LRRC4C: variants seen among roughly 807,000 people sequenced by gnomAD.
LRRC4C encodes leucine-rich repeat-containing protein 4C.
In LRRC4C, 5 loss-of-function variants were observed where a neutral mutation model predicts 33.6. That is an observed-to-expected ratio of 0.15 (90% CI 0.08 to 0.31). LRRC4C has a LOEUF of 0.31. LRRC4C is among the 10% of genes least tolerant of loss of function. The pLI is 1.00. For missense variants in LRRC4C, 560 were observed against 796.7 expected (o/e 0.70, Z 3.58); for synonymous variants, 329 against 302.0 (o/e 1.09, Z -0.93).
intron 3 of LRRC4C, among the ~76,000 whole-genome samples, chr11:40,539,594 A>G (rs1956621265): frequency 1.3e-5 from 2 of 152,116 alleles, no homozygotes. Flanking sequence ...AAAGATGGGG[A>G]TAGTTGCAAA....
rs559556856 is a variant in LRRC4C at position 41,080,454 on chromosome 11, C to T, written c.-495-146731G>A. ...GCAACCTCTGCCTCCTGGGTACAAGCGATTCTCCTACCTCAGCCTCCTGAG... is the reference window on the plus strand; with the variant it reads ...GCAACCTCTGCCTCCTGGGTACAAGTGATTCTCCTACCTCAGCCTCCTGAG... On this transcript the variant is annotated intron_variant, in intron 1 of 6. Transcript: ENST00000528697. Among the ~76,000 whole-genome samples, 19 of 148,848 alleles carry T rather than the reference C, an allele frequency of 1.3e-4. No homozygotes were observed. In the East Asian group the frequency reaches 3.7e-3, roughly 29 times the overall value.
intron 5 of LRRC4C, among the ~76,000 whole-genome samples, chr11:40,209,023 C>T (rs1175191193): frequency 6.6e-6 from 1 of 151,112 alleles, no homozygotes; most frequent in East Asian, 2.0e-4. Context: ...CGGCACACCA[C>T]TTCCCCTAAA....
intron 1 of LRRC4C, among the ~76,000 whole-genome samples, chr11:40,951,514 C>T (rs1467398436): frequency 5.9e-5 from 9 of 151,930 alleles, no homozygotes; most frequent in Non-Finnish European, 1.0e-4. Flanking sequence ...ACTTTACACA[C>T]ATTGTATTGC....
chr11:41,060,887 T>C (rs1360604272), intron 1 of LRRC4C, among the ~76,000 whole-genome samples: 1 of 152,078 alleles, frequency 6.6e-6, no homozygotes, highest in Non-Finnish European at 1.5e-5. Context: ...TAACTCAACC[T>C]CTACATCTTT....
intron 4 of LRRC4C, among the ~76,000 whole-genome samples, chr11:40,315,009 A>G (rs539971481): frequency 1.3e-5 from 2 of 152,188 alleles, no homozygotes; most frequent in East Asian, 3.9e-4. Flanking sequence ...ACTGTAGTTA[A>G]CAAAAATATA....
intron 2 of LRRC4C, among the ~76,000 whole-genome samples, chr11:40,804,370 A>C: frequency 6.6e-6 from 1 of 152,234 alleles, no homozygotes; most frequent in East Asian, 1.9e-4. Flanking sequence ...GCCTTGGTTT[A>C]AAAATATGCT....
chr11:40,547,775 A>T (rs1170418450), intron 3 of LRRC4C, among the ~76,000 whole-genome samples: 1 of 152,136 alleles, frequency 6.6e-6, no homozygotes, highest in Non-Finnish European at 1.5e-5. Flanking sequence ...CTGAGATACG[A>T]AGAGGGAATA....
chr11:40,196,897 G>A (rs931039341), intron 5 of LRRC4C, among the ~76,000 whole-genome samples: 3 of 152,186 alleles, frequency 2.0e-5, no homozygotes, highest in African/African-American at 7.2e-5. Flanking sequence ...TGAAGGCAGT[G>A]TTGTAATTAA....
intron 1 of LRRC4C, among the ~76,000 whole-genome samples, chr11:41,235,807 C>A (rs1947996912): frequency 1.3e-5 from 2 of 152,014 alleles, no homozygotes; most frequent in African/African-American, 4.8e-5. Context: ...GTTCTGCCTC[C>A]CAGGGGAGTT....
At chr11:40,583,558 C>T (rs1958573650) in intron 3 of LRRC4C, among the ~76,000 whole-genome samples, 1 of 152,108 alleles carries the variant, frequency 6.6e-6, no homozygotes, top group South Asian at 2.1e-4. Flanking sequence ...TAGTATTCTT[C>T]TCATTTTTCT....
At chr11:40,875,011 C>T (rs1408309555) in intron 2 of LRRC4C, among the ~76,000 whole-genome samples, 1 of 152,140 alleles carries the variant, frequency 6.6e-6, no homozygotes, top group Admixed American at 6.6e-5. Flanking sequence ...ACATAGAAAT[C>T]ATTTCCCATT....
chr11:40,786,192 C>T (rs78745035), intron 2 of LRRC4C, among the ~76,000 whole-genome samples: 7,465 of 152,176 alleles, frequency 0.049, 262 homozygotes, highest in Non-Finnish European at 0.074. Flanking sequence ...ATTCATTCCC[C>T]TCAAATTTTT....
At chr11:40,746,708 G>T (rs942395519) in intron 2 of LRRC4C, among the ~76,000 whole-genome samples, 12 of 152,076 alleles carry the variant, frequency 7.9e-5, no homozygotes, top group African/African-American at 2.9e-4. Flanking sequence ...AGGGCCTGGG[G>T]ATTGCTCTGC....
chr11:41,183,186 C>A (rs1000502305), intron 1 of LRRC4C, among the ~76,000 whole-genome samples: 30 of 152,074 alleles, frequency 2.0e-4, no homozygotes, highest in African/African-American at 7.0e-4. Flanking sequence ...TGGCCCCTCC[C>A]AAATCTCATG....
chr11:40,855,196 T>C (rs1040981195), intron 2 of LRRC4C, among the ~76,000 whole-genome samples: 3 of 152,188 alleles, frequency 2.0e-5, no homozygotes, highest in Admixed American at 2.0e-4. Flanking sequence ...AAAAGGAGAT[T>C]AGTGCAAAAT....
At chr11:41,422,658 T>A (rs1954910366) in intron 1 of LRRC4C, among the ~76,000 whole-genome samples, 1 of 152,036 alleles carries the variant, frequency 6.6e-6, no homozygotes, top group Non-Finnish European at 1.5e-5. Context: ...TTCTCATTTT[T>A]AAAGCACTTT....
chr11:40,322,067 G>T (rs112582071), intron 3 of LRRC4C, among the ~76,000 whole-genome samples: 191 of 152,042 alleles, frequency 1.3e-3, no homozygotes, highest in African/African-American at 4.5e-3. Flanking sequence ...TTAAATGTGG[G>T]GCTGGAAGGG....
intron 1 of LRRC4C, among the ~76,000 whole-genome samples, chr11:41,419,006 A>G (rs1954784988): frequency 6.6e-6 from 1 of 151,918 alleles, no homozygotes; most frequent in South Asian, 2.1e-4. Flanking sequence ...CCAGTGTTGT[A>G]TCATACTTGG....
chr11:40,348,149 TAATA>T (rs1947221250), intron 3 of LRRC4C, among the ~76,000 whole-genome samples: 1 of 152,064 alleles, frequency 6.6e-6, no homozygotes, highest in Non-Finnish European at 1.5e-5. Flanking sequence ...TTAATAATAA[TAATA>T]GAGTTTGAAA....
Sources: gnomAD v4.1 joint callset for allele counts (sites outside exome capture counted in the v4.1 genomes callset) on GRCh38, gnomAD v4.1.1 for gene constraint, MANE v1.5 for transcripts, NCBI Gene and HGNC (gene_info 2026-07-23, HGNC 2026-07-21) for gene names.